Variants in GALNT17 observed in about 807,000 individuals in gnomAD.
GALNT17 encodes the protein UDP-GalNAc:polypeptide N-acetylgalactosaminyltransferase-like 3.
A neutral mutation model predicts 63.7 loss-of-function variants in GALNT17; 29 were observed. That is an observed-to-expected ratio of 0.46 (90% confidence interval 0.34 to 0.62). The LOEUF (loss-of-function observed/expected upper bound fraction) is 0.62, where lower values mean the gene tolerates loss of function less well. Among genes scored for constraint, GALNT17 ranks in the 20% least tolerant of loss-of-function variants. The probability of loss-of-function intolerance (pLI) is 0.01; values close to 1 mark genes in which losing one functional copy is unlikely to be tolerated. For synonymous variants in GALNT17, 305 were observed against 318.3 expected, an observed-to-expected ratio of 0.96 and a Z score of 0.45; for missense variants, 603 against 799.6, an observed-to-expected ratio of 0.75 and a Z score of 2.97.
intron 2 of GALNT17, among the ~76,000 whole-genome samples, chr7:71,373,184 G>C (rs142485711): frequency 2.0e-5 from 3 of 152,178 alleles, no homozygotes; most frequent in African/African-American, 7.2e-5. Context: ...GAATGCCAGC[G>C]TCTCACTTCA....
chr7:71,708,816 G>A (rs1791753768), intron 9 of GALNT17, among the ~76,000 whole-genome samples: 1 of 152,034 alleles, frequency 6.6e-6, no homozygotes, highest in Admixed American at 6.6e-5. Context: ...ACAGTGTTTG[G>A]TCTTCTGATT....
intron 5 of GALNT17, among the ~76,000 whole-genome samples, chr7:71,544,117 CTTTT>C: frequency 1.8e-5 from 1 of 54,912 alleles, no homozygotes; most frequent in Non-Finnish European, 3.9e-5. Flanking sequence ...GGCTTGATTT[CTTTT>C]TTCTTTTTTT....
At chr7:71,695,216 T>C (rs537036201) in intron 9 of GALNT17, among the ~76,000 whole-genome samples, 232 of 152,274 alleles carry the variant, frequency 1.5e-3, no homozygotes, top group Middle Eastern at 6.8e-3. Flanking sequence ...CCACAGGTCA[T>C]GTGGGCCAGA....
At chr7:71,432,324 G>A (rs1297253864) in intron 5 of GALNT17, among the ~76,000 whole-genome samples, 2 of 152,124 alleles carry the variant, frequency 1.3e-5, no homozygotes, top group African/African-American at 4.8e-5. Context: ...TGCCAATCAG[G>A]AAGCTCACCT....
intron 1 of GALNT17, among the ~76,000 whole-genome samples, chr7:71,281,945 C>T (rs945758063): frequency 6.6e-5 from 10 of 152,252 alleles, no homozygotes; most frequent in African/African-American, 2.2e-4. Flanking sequence ...GGAAAAAATC[C>T]GATTCCCTCT....
intron 5 of GALNT17, among the ~76,000 whole-genome samples, chr7:71,469,288 T>A (rs1787589521): frequency 6.6e-6 from 1 of 152,232 alleles, no homozygotes; most frequent in African/African-American, 2.4e-5. Flanking sequence ...CTCTGCTGTG[T>A]CACCGTGTGC....
chr7:71,359,564 T>C (rs1792358894), intron 2 of GALNT17, among the ~76,000 whole-genome samples: 1 of 151,670 alleles, frequency 6.6e-6, no homozygotes. Flanking sequence ...ATCCAAAACA[T>C]AGCATATAAC....
At chr7:71,651,274 A>T (rs1790751038) in intron 6 of GALNT17, among the ~76,000 whole-genome samples, 1 of 149,564 alleles carries the variant, frequency 6.7e-6, no homozygotes, top group South Asian at 2.1e-4. Context: ...GACAAAGCCA[A>T]TCTAGACATG....
At chr7:71,388,113 A>G in intron 2 of GALNT17, 122 bp from the exon 3 acceptor site, 1 of 1,018,284 alleles carries the variant, frequency 9.8e-7, no homozygotes, top group South Asian at 1.6e-5. Flanking sequence ...TAAGGGAACC[A>G]GTGATTCACG....
At position 71,423,224 on chromosome 7, in the gene GALNT17, G is replaced by A. The variant is rs1019537249; in HGVS notation, c.962+2119G>A. 6.8e-4 allele frequency among the ~76,000 whole-genome samples: 104 copies of A among 152,290 alleles called. 1 individual carries two copies. Among genetic ancestry groups the A allele is most frequent in the African/African-American group, 2.4e-3 (101 of 41,568 alleles). Reference sequence around the variant, plus strand: ...GTCCGTGGGCACAGGCCCGAGGGTGGAGCCCTTGCCAGGGACCCTGCCCTT... The same window carrying A: ...GTCCGTGGGCACAGGCCCGAGGGTGAAGCCCTTGCCAGGGACCCTGCCCTT... On this transcript the variant is annotated intron_variant, in intron 5 of 10. Transcript: ENST00000333538.
chr7:71,583,951 C>T (rs1326092783), intron 6 of GALNT17, among the ~76,000 whole-genome samples: 7 of 149,096 alleles, frequency 4.7e-5, no homozygotes, highest in Non-Finnish European at 1.0e-4. Context: ...GGTGAAACCC[C>T]GTCTCTACTG....
chr7:71,315,903 G>A (rs980107754), intron 1 of GALNT17, among the ~76,000 whole-genome samples: 10 of 152,148 alleles, frequency 6.6e-5, no homozygotes, highest in African/African-American at 1.9e-4. Flanking sequence ...ACCCTTGAGT[G>A]AAATATCCCA....
chr7:71,572,754 A>C (rs1485938697), intron 6 of GALNT17, among the ~76,000 whole-genome samples: 1 of 152,068 alleles, frequency 6.6e-6, no homozygotes, highest in Non-Finnish European at 1.5e-5. Context: ...ATCTCCAGAA[A>C]TGATTCATTT....
intron 5 of GALNT17, among the ~76,000 whole-genome samples, chr7:71,537,173 C>T (rs1221660703): frequency 6.6e-6 from 1 of 152,166 alleles, no homozygotes; most frequent in Non-Finnish European, 1.5e-5. Context: ...TGTTTCCATC[C>T]ATCGATTTTG....
intron 6 of GALNT17, among the ~76,000 whole-genome samples, chr7:71,572,367 T>A (rs188276471): frequency 1.1e-4 from 16 of 150,876 alleles, no homozygotes; most frequent in Admixed American, 9.2e-4. Context: ...CCAGGTGTGA[T>A]TGTGTGAACC....
chr7:71,629,052 G>T (rs540932156), intron 6 of GALNT17, among the ~76,000 whole-genome samples: 1 of 152,348 alleles, frequency 6.6e-6, no homozygotes, highest in African/African-American at 2.4e-5. Context: ...TGAGGGTAGA[G>T]AAGCAGGGCC....
rs532742713 is a variant in GALNT17, at chr7:71,487,256, T to C, written c.962+66151T>C. Among the ~76,000 whole-genome samples, 5 of 152,334 alleles carry C rather than the reference T, an allele frequency of 3.3e-5. No homozygotes were observed. In the East Asian group the frequency reaches 7.7e-4, roughly 23 times the overall value. On this transcript the variant is annotated intron_variant, in intron 5 of 10. Coordinates refer to ENST00000333538, the MANE Select transcript of GALNT17 (RefSeq NM_022479.3). ...ACAAGTGTCTCCATGAGGGTAGTGA[T>C]GTTTCTCCTCCTTTGTTATTTCCCA...
intron 3 of GALNT17, among the ~76,000 whole-genome samples, chr7:71,406,945 T>C: frequency 6.6e-6 from 1 of 152,024 alleles, no homozygotes; most frequent in East Asian, 1.9e-4. Context: ...GAAATCTCTC[T>C]GAAAAAAAGA....
intron 3 of GALNT17, among the ~76,000 whole-genome samples, chr7:71,411,373 G>A (rs935522415): frequency 2.6e-5 from 4 of 152,062 alleles, no homozygotes; most frequent in African/African-American, 7.2e-5. Context: ...GCTTGTCTAA[G>A]CCTCCCAAAG....
Sources: gnomAD v4.1 joint callset for allele counts (sites outside exome capture counted in the v4.1 genomes callset) on GRCh38, gnomAD v4.1.1 for gene constraint, MANE v1.5 for transcripts, NCBI Gene and HGNC (gene_info 2026-07-23, HGNC 2026-07-21) for gene names.